The following DIAPH2 variants were observed in gnomAD, a reference collection of about 807,000 sequenced individuals.
The protein encoded by DIAPH2 is diaphanous related formin 2, also known as protein diaphanous homolog 2.
A neutral mutation model predicts 92.7 loss-of-function variants in DIAPH2; 35 were observed. The observed-to-expected ratio is 0.38, with a 90% CI of 0.29 to 0.50. The LOEUF is 0.50. DIAPH2 is among the 20% of genes least tolerant of loss of function. The pLI is 0.94. For synonymous variants in DIAPH2, 301 were observed against 280.4 expected, an observed-to-expected ratio of 1.07 and a Z score of -0.73; for missense variants, 701 against 819.5, an observed-to-expected ratio of 0.86 and a Z score of 1.77.
intron 23 of DIAPH2, among the ~76,000 whole-genome samples, chrX:97,317,818 G>A (rs2068852402): frequency 9.0e-6 from 1 of 111,651 alleles, no homozygotes; most frequent in African/African-American, 3.3e-5. Flanking sequence ...ACCGTAACTT[G>A]ATTAGAGATT....
rs183026645 is a variant in DIAPH2 at position 96,997,221 on chromosome X, C to T, written c.2050+32014C>T. 7.1e-5 allele frequency among the ~76,000 whole-genome samples: 8 copies of T among 112,004 alleles called. No homozygotes were observed. The East Asian group carries it at 8.4e-4, about 12-fold the overall frequency. On this transcript the variant is annotated intron_variant, in intron 17 of 26. Coordinates refer to ENST00000324765, the MANE Select transcript of DIAPH2 (RefSeq NM_006729.5). ...GTTAGTCTGTACAAAGATCACATTC[C>T]TCTGTGTATTTTTGTTATCTATACT...
intron 22 of DIAPH2, among the ~76,000 whole-genome samples, chrX:97,239,964 T>G (rs1459118676): frequency 9.0e-6 from 1 of 110,564 alleles, no homozygotes; most frequent in Non-Finnish European, 1.9e-5. Flanking sequence ...AATATTTAAA[T>G]AATCATAATA....
intron 25 of DIAPH2, among the ~76,000 whole-genome samples, chrX:97,405,449 T>G (rs1350543909): frequency 9.0e-6 from 1 of 111,584 alleles, no homozygotes; most frequent in African/African-American, 3.3e-5. Flanking sequence ...GCCAAAAGGG[T>G]GGGCCAACTG....
chrX:96,922,413 A>G (rs1398156403), intron 9 of DIAPH2, among the ~76,000 whole-genome samples: 1 of 110,983 alleles, frequency 9.0e-6, no homozygotes, highest in African/African-American at 3.3e-5. Context: ...ATCAAGTCTT[A>G]TTACAAAGTA....
In DIAPH2 at chrX:96,921,829, G is replaced by A. The variant is rs1052046616; in HGVS notation, c.978+3212G>A. On this transcript the variant is annotated intron_variant, in intron 9 of 26. Coordinates refer to ENST00000324765, the MANE Select transcript of DIAPH2 (RefSeq NM_006729.5). Reference sequence around the variant, plus strand: ...TACATACATTCATATGCACATACACGTATCTACATGTACATGTATATACAT... The same window carrying A: ...TACATACATTCATATGCACATACACATATCTACATGTACATGTATATACAT... Among the ~76,000 whole-genome samples, 5 of 107,820 alleles carry A rather than the reference G, an allele frequency of 4.6e-5. No individual in the cohort carries two copies. The East Asian group carries it at 1.2e-3, about 25-fold the overall frequency. 93.6% of individuals were successfully genotyped at this position (107,820 alleles called of 115,157 possible).
At chrX:96,752,464 G>A (rs755137671) in intron 3 of DIAPH2, among the ~76,000 whole-genome samples, 135 of 112,199 alleles carry the variant, frequency 1.2e-3, no homozygotes, top group African/African-American at 4.2e-3. Context: ...TTTCAGCTTC[G>A]AGTTTAGAAG....
At chrX:97,164,667 A>T (rs1278464175) in intron 22 of DIAPH2, among the ~76,000 whole-genome samples, 1 of 112,318 alleles carries the variant, frequency 8.9e-6, no homozygotes, top group Non-Finnish European at 1.9e-5. Context: ...TGTTTACATC[A>T]CTGACCATTA....
At chrX:97,269,751 ATT>A (rs1318136033) in intron 23 of DIAPH2, among the ~76,000 whole-genome samples, 3 of 94,752 alleles carry the variant, frequency 3.2e-5, no homozygotes, top group African/African-American at 4.5e-5. Flanking sequence ...TACTATTTTT[ATT>A]TTTTTTTTTT....
intron 19 of DIAPH2, among the ~76,000 whole-genome samples, chrX:97,080,579 C>T (rs2066736311): frequency 1.8e-5 from 2 of 108,282 alleles, no homozygotes; most frequent in Admixed American, 2.0e-4. Context: ...TAGGTTGCTA[C>T]ACGATTATGT....
At chrX:97,202,948 A>C in intron 22 of DIAPH2, among the ~76,000 whole-genome samples, 1 of 112,228 alleles carries the variant, frequency 8.9e-6, no homozygotes. Context: ...GCAAATGCAA[A>C]ACAATGGAAA....
At chrX:96,733,437 C>T (rs2064068092) in intron 1 of DIAPH2, among the ~76,000 whole-genome samples, 1 of 110,567 alleles carries the variant, frequency 9.0e-6, no homozygotes, top group African/African-American at 3.3e-5. Context: ...ATTGGGGAGC[C>T]GTGAAGTGGT....
rs58720970 is a variant in DIAPH2, at chrX:96,856,438, G to GTT, written c.448-25126_448-25125dup. Among the ~76,000 whole-genome samples the GTT allele has an allele frequency of 2.7e-4, 25 of 92,866 alleles. No homozygotes were observed. The East Asian group carries it at 3.5e-3, about 13-fold the overall frequency. 80.6% of individuals were successfully genotyped at this position (92,866 alleles called of 115,157 possible). On this transcript the variant is annotated intron_variant, in intron 4 of 26. Transcript: ENST00000324765. ...AGGAGATTTAAAAATAGAATTCAAG[G>GTT]TTTTTTTTTTTTTTTTCCTTTGTGC...
At chrX:97,177,604 A>T (rs927190665) in intron 22 of DIAPH2, among the ~76,000 whole-genome samples, 1 of 106,247 alleles carries the variant, frequency 9.4e-6, no homozygotes, top group Non-Finnish European at 1.9e-5. Flanking sequence ...TCATTACTGC[A>T]TTTTTTAATT....
intron 26 of DIAPH2, among the ~76,000 whole-genome samples, chrX:97,556,982 A>T (rs1047666605): frequency 8.9e-6 from 1 of 112,155 alleles, no homozygotes; most frequent in Non-Finnish European, 1.9e-5. Flanking sequence ...TTTCACTGTG[A>T]AGCTGCCTTT....
At chrX:97,330,095 G>GTGTGTGTGTGTGTGTGTGTGTGTA (rs2068986852) in intron 23 of DIAPH2, among the ~76,000 whole-genome samples, 1 of 107,127 alleles carries the variant, frequency 9.3e-6, no homozygotes, top group East Asian at 3.0e-4. Flanking sequence ...TTGTGTGTGT[G>GTGTGTGTGTGTGTGTGTGTGTGTA]TGTGTGTGTG....
At chrX:97,362,672 T>A (rs1265453317) in intron 24 of DIAPH2, among the ~76,000 whole-genome samples, 1 of 112,473 alleles carries the variant, frequency 8.9e-6, no homozygotes, top group African/African-American at 3.2e-5. Context: ...ATTGTTTGAT[T>A]TATTTCAGTA....
At chrX:97,024,723 A>T (rs937715826) in intron 17 of DIAPH2, among the ~76,000 whole-genome samples, 3 of 112,444 alleles carry the variant, frequency 2.7e-5, no homozygotes, top group African/African-American at 9.7e-5. Context: ...TGAAAGGCAT[A>T]TCATTAAAGC....
intron 17 of DIAPH2, among the ~76,000 whole-genome samples, chrX:96,987,520 T>C (rs1393442666): frequency 9.0e-6 from 1 of 111,486 alleles, no homozygotes; most frequent in Admixed American, 9.6e-5. Flanking sequence ...CTTTCTGTAT[T>C]TTAGGCCCTG....
intron 26 of DIAPH2, among the ~76,000 whole-genome samples, chrX:97,500,535 T>C (rs181237801): frequency 9.1e-6 from 1 of 109,832 alleles, no homozygotes; most frequent in African/African-American, 3.3e-5. Flanking sequence ...TTGTCCTTAT[T>C]GTACACCTGT....
Sources: gnomAD v4.1 joint callset for allele counts (sites outside exome capture counted in the v4.1 genomes callset) on GRCh38, gnomAD v4.1.1 for gene constraint, MANE v1.5 for transcripts, NCBI Gene and HGNC (gene_info 2026-07-23, HGNC 2026-07-21) for gene names.